The following ASAP1 variants were observed in gnomAD, a reference collection of about 807,000 sequenced individuals.
ASAP1 encodes the protein ArfGAP with SH3 domain, ankyrin repeat and PH domain 1.
In ASAP1, 43 loss-of-function variants were observed where a neutral mutation model predicts 145.2. That is an observed-to-expected ratio of 0.30 (90% CI 0.23 to 0.38). ASAP1 has a LOEUF of 0.38. Ranked by LOEUF, ASAP1 falls within the 10% of genes least tolerant of loss-of-function variation. The probability of loss-of-function intolerance (pLI) is 1.00; values close to 1 mark genes in which losing one functional copy is unlikely to be tolerated. For synonymous variants in ASAP1, 546 were observed against 515.5 expected, an observed-to-expected ratio of 1.06 and a Z score of -0.80; for missense variants, 1,018 against 1,355.3, an observed-to-expected ratio of 0.75 and a Z score of 3.91.
intron 27 of ASAP1, among the ~76,000 whole-genome samples, chr8:130,062,273 A>G (rs1215513723): frequency 6.6e-6 from 1 of 152,244 alleles, no homozygotes; most frequent in Admixed American, 6.5e-5. Context: ...TCCTAAAAAT[A>G]TAACGTATTC....
intron 18 of ASAP1, among the ~76,000 whole-genome samples, chr8:130,123,684 G>T (rs987326869): frequency 1.3e-5 from 2 of 152,070 alleles, no homozygotes; most frequent in Admixed American, 6.6e-5. Context: ...TGGAGTGCAG[G>T]GGTGCGATCT....
At chr8:130,312,519 C>A (rs1292625368) in intron 3 of ASAP1, among the ~76,000 whole-genome samples, 1 of 152,094 alleles carries the variant, frequency 6.6e-6, no homozygotes, top group South Asian at 2.1e-4. Flanking sequence ...CTCCAGGGGG[C>A]CTTCTCTCCC....
At chr8:130,294,457 C>G (rs117589381) in intron 3 of ASAP1, among the ~76,000 whole-genome samples, 1 of 152,224 alleles carries the variant, frequency 6.6e-6, no homozygotes, top group Non-Finnish European at 1.5e-5. Context: ...CTGGACAGAC[C>G]TGGGTTTGAA....
At chr8:130,331,832 T>A (rs553200746) in intron 3 of ASAP1, among the ~76,000 whole-genome samples, 1 of 151,982 alleles carries the variant, frequency 6.6e-6, no homozygotes, top group South Asian at 2.1e-4. Flanking sequence ...ACAATGCACA[T>A]CAAGTGGGGA....
chr8:130,362,058 AAAAG>A (rs553374224), intron 2 of ASAP1, among the ~76,000 whole-genome samples: 11 of 152,316 alleles, frequency 7.2e-5, no homozygotes, highest in African/African-American at 1.9e-4. Flanking sequence ...CGCCTTGAAA[AAAAG>A]GCAGCAGGAA....
At chr8:130,402,324 G>A (rs1314121131) in intron 1 of ASAP1, among the ~76,000 whole-genome samples, 3 of 152,150 alleles carry the variant, frequency 2.0e-5, no homozygotes, top group African/African-American at 7.2e-5. Context: ...CAGACAGACA[G>A]ACACCTGCAG....
chr8:130,194,779 G>A (rs923878534), intron 5 of ASAP1, among the ~76,000 whole-genome samples: 12 of 152,156 alleles, frequency 7.9e-5, no homozygotes, highest in African/African-American at 2.4e-4. Context: ...GTGACAGGAG[G>A]TGGAGCTCAG....
chr8:130,257,756 T>C (rs1211060326), intron 3 of ASAP1, among the ~76,000 whole-genome samples: 2 of 150,666 alleles, frequency 1.3e-5, no homozygotes, highest in Non-Finnish European at 2.9e-5. Context: ...TTTAACACAA[T>C]ATTTTCTAAA....
chr8:130,371,403 T>C (rs1827207873), intron 2 of ASAP1, among the ~76,000 whole-genome samples: 1 of 152,222 alleles, frequency 6.6e-6, no homozygotes. Context: ...CTACCAGTTA[T>C]GTACCTGCTA....
chr8:130,170,305 C>T (rs1401035315), intron 9 of ASAP1, among the ~76,000 whole-genome samples: 1 of 152,036 alleles, frequency 6.6e-6, no homozygotes, highest in Non-Finnish European at 1.5e-5. Flanking sequence ...CAGGTGCCTG[C>T]CACCACACCA....
chr8:130,370,573 A>G (rs932287506), intron 2 of ASAP1, among the ~76,000 whole-genome samples: 4 of 152,240 alleles, frequency 2.6e-5, no homozygotes, highest in Non-Finnish European at 4.4e-5. Context: ...AAATGAAAAC[A>G]TATGTGCACA....
chr8:130,238,957 T>C (rs1352571066), intron 3 of ASAP1, among the ~76,000 whole-genome samples: 4 of 152,178 alleles, frequency 2.6e-5, no homozygotes, highest in Admixed American at 6.6e-5. Flanking sequence ...ATCCACTGCC[T>C]ACCTGTACTT....
chr8:130,226,059 T>A (rs1012863752), intron 4 of ASAP1, among the ~76,000 whole-genome samples: 11 of 144,058 alleles, frequency 7.6e-5, no homozygotes, highest in Admixed American at 3.5e-4. Flanking sequence ...TTTTTTTTTT[T>A]AAGAGATGGG....
intron 11 of ASAP1, 89 bp downstream of exon 11, chr8:130,167,447 G>T: frequency 1.0e-6 from 1 of 996,688 alleles, no homozygotes; most frequent in Non-Finnish European, 1.6e-6. Context: ...ATATCACTGT[G>T]CCTGTCTTGC....
At position 130,362,984 on chromosome 8, in the gene ASAP1, T is replaced by C. The variant is rs1356071053; in HGVS notation, c.60-4841A>G. 3.3e-5 allele frequency among the ~76,000 whole-genome samples: 5 copies of C among 152,204 alleles called. No individual in the cohort carries two copies. In the East Asian group the frequency reaches 9.6e-4, roughly 29 times the overall value. On this transcript the variant is annotated intron_variant, in intron 2 of 29. Coordinates refer to ENST00000518721, the MANE Select transcript of ASAP1 (RefSeq NM_018482.4). ...AGGAGCATGAATTATGGGCTGATTC[T>C]CACATAAAAAAGATAGGCTCCCGTC...
intron 3 of ASAP1, among the ~76,000 whole-genome samples, chr8:130,353,163 T>A (rs1826098544): frequency 6.6e-6 from 1 of 152,242 alleles, no homozygotes; most frequent in Non-Finnish European, 1.5e-5. Context: ...TAGCCTTATT[T>A]CTTTATTTCT....
chr8:130,121,932 T>C (rs981954139), intron 18 of ASAP1, among the ~76,000 whole-genome samples: 28 of 152,040 alleles, frequency 1.8e-4, no homozygotes, highest in African/African-American at 6.7e-4. Context: ...GCTCCACCTC[T>C]ATCTTGCCCA....
At chr8:130,295,756 T>C (rs567782903) in intron 3 of ASAP1, among the ~76,000 whole-genome samples, 2 of 152,270 alleles carry the variant, frequency 1.3e-5, no homozygotes, top group South Asian at 4.1e-4. Context: ...TTCCTAAAAA[T>C]AGCATGAAGC....
At chr8:130,423,790 T>A (rs530651490) in intron 1 of ASAP1, among the ~76,000 whole-genome samples, 1 of 152,248 alleles carries the variant, frequency 6.6e-6, no homozygotes, top group Non-Finnish European at 1.5e-5. Flanking sequence ...TGCTTCTTTA[T>A]CTTTTCTTGT....
Sources: gnomAD v4.1 joint callset for allele counts (sites outside exome capture counted in the v4.1 genomes callset) on GRCh38, gnomAD v4.1.1 for gene constraint, MANE v1.5 for transcripts, NCBI Gene and HGNC (gene_info 2026-07-23, HGNC 2026-07-21) for gene names.